TFDP2: variants seen among roughly 807,000 people sequenced by gnomAD.
TFDP2 encodes the protein transcription factor Dp-2 (E2F dimerization partner 2).
Under a neutral mutation model 59.3 loss-of-function variants are expected in TFDP2, and 17 were observed. That is an observed-to-expected ratio of 0.29 (90% CI 0.20 to 0.43). TFDP2 has a LOEUF of 0.43. TFDP2 is among the 20% of genes least tolerant of loss of function. The pLI, the probability that TFDP2 is intolerant of heterozygous loss-of-function variation, is 1.00. For missense variants in TFDP2, 391 were observed against 528.8 expected, an observed-to-expected ratio of 0.74 and a Z score of 2.56; for synonymous variants, 180 against 194.7, an observed-to-expected ratio of 0.92 and a Z score of 0.63.
chr3:141,973,970 G>C, intron 8 of TFDP2, 78 bp downstream of exon 8: 1 of 1,458,434 alleles, frequency 6.9e-7, no homozygotes, highest in South Asian at 1.3e-5. Flanking sequence ...TTTTATATTA[G>C]AATTACATTT....
intron 6 of TFDP2, among the ~76,000 whole-genome samples, chr3:141,992,338 A>C (rs545206546): frequency 6.6e-6 from 1 of 152,338 alleles, no homozygotes; most frequent in African/African-American, 2.4e-5. Context: ...CAATGGCTAC[A>C]CTATAAATTT....
intron 1 of TFDP2, among the ~76,000 whole-genome samples, chr3:142,140,079 T>C (rs570801263): frequency 7.2e-5 from 11 of 152,328 alleles, no homozygotes; most frequent in East Asian, 1.9e-4. Flanking sequence ...TTACTCTTTT[T>C]TCGCTAAACT....
intron 3 of TFDP2, among the ~76,000 whole-genome samples, chr3:142,074,491 T>C (rs1203628211): frequency 2.0e-5 from 3 of 151,860 alleles, no homozygotes; most frequent in Non-Finnish European, 4.4e-5. Context: ...GGCGGGAGAA[T>C]TGCTTGAGGC....
intron 1 of TFDP2, among the ~76,000 whole-genome samples, chr3:142,112,384 C>T (rs537379434): frequency 3.3e-5 from 5 of 152,274 alleles, no homozygotes; most frequent in Non-Finnish European, 5.9e-5. Context: ...CAGAGCTCAA[C>T]GCAGCTTTCA....
At chr3:142,040,203 T>G (rs1445778361) in intron 3 of TFDP2, among the ~76,000 whole-genome samples, 2 of 152,188 alleles carry the variant, frequency 1.3e-5, no homozygotes, top group Non-Finnish European at 2.9e-5. Flanking sequence ...ACCTAGATGT[T>G]GGAAATATCA....
chr3:142,120,341 G>A (rs1023983284), intron 1 of TFDP2, among the ~76,000 whole-genome samples: 3 of 152,216 alleles, frequency 2.0e-5, no homozygotes, highest in Admixed American at 6.5e-5. Context: ...CAACCTGGGC[G>A]ACAGAGCCAG....
chr3:142,051,562 C>T (rs1431197877), intron 3 of TFDP2, among the ~76,000 whole-genome samples: 1 of 151,826 alleles, frequency 6.6e-6, no homozygotes, highest in African/African-American at 2.4e-5. Flanking sequence ...CCAAATGTCC[C>T]CTAGGGGCAA....
chr3:142,100,038 C>T (rs1427989438), intron 2 of TFDP2, among the ~76,000 whole-genome samples: 1 of 152,162 alleles, frequency 6.6e-6, no homozygotes, highest in Non-Finnish European at 1.5e-5. Flanking sequence ...TCTGTATCTG[C>T]TTCTAGTTAC....
At chr3:142,057,562 T>TG in intron 3 of TFDP2, among the ~76,000 whole-genome samples, 1 of 152,334 alleles carries the variant, frequency 6.6e-6, no homozygotes, top group Non-Finnish European at 1.5e-5. Flanking sequence ...CTATGAACTG[T>TG]GGTTAATCAA....
chr3:141,993,232 T>C (rs1452941776), intron 6 of TFDP2, among the ~76,000 whole-genome samples: 1 of 151,930 alleles, frequency 6.6e-6, no homozygotes, highest in African/African-American at 2.4e-5. Flanking sequence ...TTGTTAAACT[T>C]TGGGCATGTT....
At position 142,080,755 on chromosome 3, in the gene TFDP2, T is replaced by C. The variant is rs140972973; in HGVS notation, c.82+12306A>G. 4.6e-3 allele frequency among the ~76,000 whole-genome samples: 708 copies of C among 152,272 alleles called. 6 individuals are homozygous for C. The highest frequency in any genetic ancestry group is 0.016 in the African/African-American group (667 of 41,552). On this transcript the variant is annotated intron_variant, in intron 3 of 12. Coordinates refer to ENST00000489671, the MANE Select transcript of TFDP2 (RefSeq NM_001178139.2). ...ACTATAAAGAGACAAAGAAGGTCATTACATAAAGGGGTCAATTCAGCAAGA... is the reference window on the plus strand; with the variant it reads ...ACTATAAAGAGACAAAGAAGGTCATCACATAAAGGGGTCAATTCAGCAAGA...
chr3:142,137,654 T>C (rs1398477764), intron 1 of TFDP2, among the ~76,000 whole-genome samples: 1 of 152,218 alleles, frequency 6.6e-6, no homozygotes, highest in Non-Finnish European at 1.5e-5. Context: ...TTTTTGTCGT[T>C]GGATCTGTTT....
chr3:142,011,596 A>AG (rs1185284042), intron 3 of TFDP2, among the ~76,000 whole-genome samples: 3 of 149,590 alleles, frequency 2.0e-5, no homozygotes, highest in Non-Finnish European at 4.4e-5. Flanking sequence ...ATAATAAAAA[A>AG]AAAAAGAAAA....
intron 1 of TFDP2, among the ~76,000 whole-genome samples, chr3:142,113,092 T>C (rs1577014312): frequency 6.6e-6 from 1 of 152,170 alleles, no homozygotes; most frequent in East Asian, 1.9e-4. Context: ...TTTAAACCAT[T>C]AATTCACTCA....
intron 7 of TFDP2, among the ~76,000 whole-genome samples, chr3:141,975,780 T>C (rs140054613): frequency 1.6e-3 from 240 of 152,126 alleles, no homozygotes; most frequent in African/African-American, 5.4e-3. Context: ...GTGATAGGTA[T>C]GCCAATTTCC....
intron 1 of TFDP2, among the ~76,000 whole-genome samples, chr3:142,144,604 C>T (rs1052416473): frequency 3.9e-4 from 59 of 152,026 alleles, no homozygotes; most frequent in African/African-American, 1.1e-3. Flanking sequence ...TGCAGTGGCA[C>T]GATCACAGCT....
At chr3:141,959,937 T>C in intron 10 of TFDP2, 97 bp from the exon 11 acceptor site, 1 of 1,227,604 alleles carries the variant, frequency 8.1e-7, no homozygotes, top group Non-Finnish European at 1.1e-6. Context: ...GGGGCCTAAA[T>C]CCAGCTATAG....
At chr3:141,973,735 T>G (rs1323396992) in intron 8 of TFDP2, among the ~76,000 whole-genome samples, 1 of 148,348 alleles carries the variant, frequency 6.7e-6, no homozygotes, top group African/African-American at 2.5e-5. Flanking sequence ...TCAAATAAGA[T>G]ACCATTTCAC....
intron 2 of TFDP2, chr3:142,094,048 C>A: frequency 2.4e-6 from 1 of 408,864 alleles, no homozygotes; most frequent in South Asian, 1.9e-5. Flanking sequence ...ATATCCACTA[C>A]ACTACTTGGC....
Sources: gnomAD v4.1 joint callset for allele counts (sites outside exome capture counted in the v4.1 genomes callset) on GRCh38, gnomAD v4.1.1 for gene constraint, MANE v1.5 for transcripts, NCBI Gene and HGNC (gene_info 2026-07-23, HGNC 2026-07-21) for gene names.